The following ADCY7 variants were observed in gnomAD, a reference collection of about 807,000 sequenced individuals.
ADCY7 encodes the protein adenylate cyclase type 7.
ADCY7 carries 72 observed loss-of-function variants against 120.6 expected under a neutral mutation model. That is an observed-to-expected ratio of 0.60 (90% CI 0.49 to 0.73). The LOEUF (loss-of-function observed/expected upper bound fraction) is 0.73, where lower values mean the gene tolerates loss of function less well. Ranked by LOEUF, ADCY7 falls within the 30% of genes least tolerant of loss-of-function variation. ADCY7 has a pLI of 0.00. For synonymous variants in ADCY7, 661 were observed against 628.0 expected, an observed-to-expected ratio of 1.05 and a Z score of -0.78; for missense variants, 1,227 against 1,486.0, an observed-to-expected ratio of 0.83 and a Z score of 2.87.
intron 14 of ADCY7, 27 bp from the exon 15 acceptor site, chr16:50,307,023 A>C: frequency 6.3e-7 from 1 of 1,584,458 alleles, no homozygotes; most frequent in Non-Finnish European, 8.6e-7. Context: ...GCTGGTGGCC[A>C]CCCCTCACAG....
At chr16:50,245,748 G>T (rs34828612), upstream of ADCY7, among the ~76,000 whole-genome samples, 2,613 of 152,226 alleles carry the variant, frequency 0.017, 39 homozygotes, top group Non-Finnish European at 0.023. Flanking sequence ...GCTCCTGCAG[G>T]GGGAGGGGAG....
At position 50,315,510 on chromosome 16, in the gene ADCY7, T is replaced by C. The variant is rs1206786268; in HGVS notation, c.*5T>C. ...CAGGGGCTGGGGCTGAACTGAGGGC[T>C]CCTGCTGGATTCCGAAAAGGCCGGG... On this transcript the variant is annotated 3_prime_UTR_variant, in exon 26 of 26. Coordinates refer to ENST00000673801, the MANE Select transcript of ADCY7 (RefSeq NM_001114.5). The C allele has an allele frequency of 1.2e-6, 2 of 1,602,332 alleles. No individual in the cohort carries two copies. The highest frequency in any genetic ancestry group is 3.3e-5 in the Admixed American group (2 of 59,826).
At chr16:50,300,593 C>G in intron 8 of ADCY7, 122 bp from the exon 9 acceptor site, 1 of 1,190,352 alleles carries the variant, frequency 8.4e-7, no homozygotes, top group African/African-American at 1.5e-5. Context: ...AGAACATTCT[C>G]TCCCGTGGGC....
chr16:50,302,304 T>C (rs2035780562), intron 10 of ADCY7, among the ~76,000 whole-genome samples: 1 of 152,232 alleles, frequency 6.6e-6, no homozygotes, highest in Non-Finnish European at 1.5e-5. Context: ...CTCTCCAGGC[T>C]GCAGCCCCCC....
chr16:50,297,220 C>T lies in ADCY7; in HGVS notation c.949-1684C>T, dbSNP rs16948389. Among the ~76,000 whole-genome samples, 1,993 of 152,178 alleles carry T rather than the reference C, an allele frequency of 0.013. 46 individuals are homozygous for T. The highest frequency in any genetic ancestry group is 0.045 in the African/African-American group (1,855 of 41,510). On this transcript the variant is annotated intron_variant, in intron 7 of 25. Transcript: ENST00000673801. This position sits in a 1 kb window ranked among gnomAD's most constrained non-coding sequence, Gnocchi z 4.4. ...CCCAGCCTTTTCTCCTATCAACAAT[C>T]AGATTCCAGAAGTGTAAGCTCTTTC...
rs537872608 is a variant in ADCY7 at position 50,314,899 on chromosome 16, T to C, written c.2972-115T>C. ...CTCTGGGAAGCAACCCAGCCTTCAC[T>C]CTAGTTGTTTTGTCCCCGCATCCTG... On this transcript the variant is annotated intron_variant, in intron 24 of 25. Transcript: ENST00000673801. The C allele has an allele frequency of 8.7e-4, 1,223 of 1,413,004 alleles. 13 individuals carry two copies. In the African/African-American group the frequency reaches 0.015, roughly 18 times the overall value. 87.5% of individuals were successfully genotyped at this position (1,413,004 alleles called of 1,614,324 possible).
chr16:50,288,007 C>T lies in ADCY7; in HGVS notation c.-173C>T. On this transcript the variant is annotated 5_prime_UTR_variant, in exon 2 of 26. Transcript: ENST00000673801. ...GGCCTGGTGCCAGAGCTGTGCGGAC[C>T]CCTTGTTGGCCATGGAGCAGCAGGC... 1.5e-6 allele frequency: 1 copy of T among 672,518 alleles called. No individual in the cohort carries two copies. 41.7% of individuals were successfully genotyped at this position (672,518 alleles called of 1,614,324 possible).
In ADCY7 at chr16:50,294,622, ACCCTGC is replaced by A; in HGVS notation, c.837-14_837-9del. 17 of 793,372 alleles carry A rather than the reference ACCCTGC, an allele frequency of 2.1e-5. No homozygotes were observed. The highest frequency in any genetic ancestry group is 3.3e-5 in the Non-Finnish European group (15 of 459,468). 49.1% of individuals were successfully genotyped at this position (793,372 alleles called of 1,614,324 possible). A position where few individuals can be genotyped will look rare whatever the true frequency, so the allele number is the denominator to read the frequency against. ...GAGCCTGGCTCTGACACTCCCTCCC[ACCCTGC>A]CCCATCCCCAGCATCCTCTATGCGG... On this transcript the variant is annotated splice_polypyrimidine_tract_variant and intron_variant, in intron 6 of 25. Transcript: ENST00000673801.
intron 1 of ADCY7, among the ~76,000 whole-genome samples, chr16:50,260,148 C>T (rs1377989982): frequency 2.9e-4 from 44 of 152,242 alleles, no homozygotes; most frequent in Admixed American, 2.9e-3. Flanking sequence ...AGGGGACGCT[C>T]ACACGGCTGG....
intron 5 of ADCY7, 114 bp from the exon 6 acceptor site, chr16:50,293,240 G>C: frequency 8.1e-7 from 1 of 1,234,344 alleles, no homozygotes; most frequent in South Asian, 1.4e-5. Flanking sequence ...AGGCAGGGAG[G>C]ATGGGGGCCA....
At chr16:50,293,161 GGAGGTA>G (rs768109537) in intron 5 of ADCY7, among the ~76,000 whole-genome samples, 187 bp from the exon 6 acceptor site, 16 of 152,186 alleles carry the variant, frequency 1.1e-4, no homozygotes, top group Non-Finnish European at 5.9e-5. Context: ...TGGGTACATG[GGAGGTA>G]GATGCTCAGT....
chr16:50,282,712 G>A lies in ADCY7; in HGVS notation c.-268-5200G>A, dbSNP rs143683281. Among the ~76,000 whole-genome samples the A allele has an allele frequency of 6.4e-4, 81 of 126,606 alleles. No homozygotes were observed. In the Middle Eastern group the frequency reaches 0.011, roughly 18 times the overall value. The allele number at this position is 126,606 out of a possible 152,430, so 83.1% of individuals were successfully genotyped here. ...CCGGATATCCTGTGTTTAAATCCCA[G>A]CTTTTTTTTTTTTTCCAGACAGGAT... On this transcript the variant is annotated intron_variant, in intron 1 of 25. Transcript: ENST00000673801.
rs540142080 is a variant in ADCY7, at chr16:50,311,895, T to G, written c.2448+109T>G. On this transcript the variant is annotated intron_variant, in intron 20 of 25. Coordinates refer to ENST00000673801, the MANE Select transcript of ADCY7 (RefSeq NM_001114.5). ...GCTCAGGTGGAGTAGCAGAAAAGAC[T>G]AGAGTCCTGCCAGGAAAGCACTGGT... 1,620 of 1,428,754 alleles carry G rather than the reference T, an allele frequency of 1.1e-3. 1 individual carries two copies. The highest frequency in any genetic ancestry group is 1.4e-3 in the Non-Finnish European group (1,500 of 1,037,356). 88.5% of individuals were successfully genotyped at this position (1,428,754 alleles called of 1,614,324 possible).
In ADCY7 at chr16:50,313,214, C is replaced by T. The variant is rs1037253925; in HGVS notation, c.2751+178C>T. On this transcript the variant is annotated intron_variant, in intron 22 of 25. Transcript: ENST00000673801. ...GGTGGATCACTTGAGGCTAGGAGTT[C>T]GAGACCAGCCTGGCCAACATGGCGA... The T allele has an allele frequency of 5.1e-5, 36 of 711,572 alleles. No homozygotes were observed. The East Asian group carries it at 8.5e-4, about 17-fold the overall frequency. The allele number at this position is 711,572 out of a possible 1,614,324, so 44.1% of individuals were successfully genotyped here. A position where few individuals can be genotyped will look rare whatever the true frequency, so the allele number is the denominator to read the frequency against.
intron 1 of ADCY7, among the ~76,000 whole-genome samples, chr16:50,251,227 G>A (rs539281338): frequency 2.6e-5 from 4 of 151,442 alleles, no homozygotes; most frequent in South Asian, 2.1e-4. Flanking sequence ...GTGATAGAGC[G>A]AGACCCTGAT....
intron 2 of ADCY7, among the ~76,000 whole-genome samples, 185 bp from the exon 3 acceptor site, chr16:50,290,272 T>C (rs2034857641): frequency 6.6e-6 from 1 of 151,834 alleles, no homozygotes; most frequent in East Asian, 1.9e-4. Flanking sequence ...AAGGGGGTGG[T>C]TGAGGCAGCC....
chr16:50,308,321 C>T lies in ADCY7; in HGVS notation c.1851-6C>T. 1 of 1,614,202 alleles carries T rather than the reference C, an allele frequency of 6.2e-7. No individual in the cohort carries two copies. The highest frequency in any genetic ancestry group is 8.5e-7 in the Non-Finnish European group (1 of 1,180,034). On this transcript the variant is annotated splice_region_variant and splice_polypyrimidine_tract_variant and intron_variant, in intron 15 of 25. Transcript: ENST00000673801. ...GGCAGAACTGAGGTTCTTCCCTCCTCTCCAGGACGGCGGCACTGGGTGTGT... is the reference window on the plus strand; with the variant it reads ...GGCAGAACTGAGGTTCTTCCCTCCTTTCCAGGACGGCGGCACTGGGTGTGT...
chr16:50,293,350 C>A lies in ADCY7; in HGVS notation c.688-4C>A. Reference sequence around the variant, plus strand: ...CCTCTGCTGGTCTGCCCACCCACACCCAGGAGAACCTGCTGCTGTCAGTGC... The same window carrying A: ...CCTCTGCTGGTCTGCCCACCCACACACAGGAGAACCTGCTGCTGTCAGTGC... On this transcript the variant is annotated splice_region_variant and splice_polypyrimidine_tract_variant and intron_variant, in intron 5 of 25. Transcript: ENST00000673801. The A allele has an allele frequency of 6.2e-7, 1 of 1,612,198 alleles. No individual in the cohort carries two copies. Among genetic ancestry groups the A allele is most frequent in the Non-Finnish European group, 8.5e-7 (1 of 1,178,776 alleles).
intron 7 of ADCY7, among the ~76,000 whole-genome samples, chr16:50,295,275 C>T (rs1411763343): frequency 6.6e-6 from 1 of 150,430 alleles, no homozygotes; most frequent in Non-Finnish European, 1.5e-5. Flanking sequence ...ACCTGCCAGG[C>T]TCAAGTGATT....
Sources: gnomAD v4.1 joint callset for allele counts (sites outside exome capture counted in the v4.1 genomes callset) on GRCh38, gnomAD v4.1.1 for gene constraint, Gnocchi (gnomAD v3.1) non-coding constraint, MANE v1.5 for transcripts, NCBI Gene and HGNC (gene_info 2026-07-23, HGNC 2026-07-21) for gene names.